The following BDP1 variants were observed in gnomAD, a reference collection of about 807,000 sequenced individuals.
The protein encoded by BDP1 is transcription factor TFIIIB component B'' homolog.
Under a neutral mutation model 266.6 loss-of-function variants are expected in BDP1, and 169 were observed. The ratio of observed to expected loss-of-function variants is 0.63; its 90% CI spans 0.56 to 0.72. BDP1 has a LOEUF of 0.72. Ranked by LOEUF, BDP1 falls within the 30% of genes least tolerant of loss-of-function variation. BDP1 has a pLI of 0.00. For missense variants in BDP1, 3,015 were observed against 3,053.8 expected (o/e 0.99, Z 0.30); for synonymous variants, 1,090 against 1,022.4 (o/e 1.07, Z -1.26).
intron 7 of BDP1, among the ~76,000 whole-genome samples, chr5:71,477,473 C>G (rs1338995026): frequency 6.6e-6 from 1 of 152,146 alleles, no homozygotes; most frequent in African/African-American, 2.4e-5. Flanking sequence ...ATTCACCTTA[C>G]AGTGAACTTA....
chr5:71,525,546 T>C (rs1330696588), intron 25 of BDP1, among the ~76,000 whole-genome samples: 112 of 55,210 alleles, frequency 2.0e-3, no homozygotes, highest in Non-Finnish European at 1.8e-3. Context: ...GGGGCTGACC[T>C]CCCCACCTCC....
Position 71,456,044 on chromosome 5 carries a change from T to C in BDP1, c.167T>C (p.Val56Ala), listed in dbSNP as rs762256341. The C allele has an allele frequency of 1.9e-5, 30 of 1,613,276 alleles. No individual in the cohort carries two copies. The Middle Eastern group carries it at 9.9e-4, about 53-fold the overall frequency. ...GCGGAGCCCACAGATGTGCCCACAG[T>C]CGATTTCGGTGGAGCGGAGCCCCAA... is the stretch of plus-strand genomic sequence containing the variant. ...KPAEPTDVPT[V>A]DFGGAEPQEK... Residue 56 changes from valine to alanine, a missense_variant, in exon 1 of 39, where the codon GTC (valine) becomes GCC (alanine). This residue lies in a region of BDP1 where 2,383 missense variants were observed against 2,404.9 expected (regional missense o/e 0.99). Transcript: ENST00000358731.
rs1174860412 is a variant in BDP1 at position 71,511,080 on chromosome 5, A to G, written c.3988A>G (p.Arg1330Gly). ...ENELEETSTS[R>G]QTDTHLMQSG... ...CGAGCTAGAGGAGACCAGTACCTCA[A>G]GACAAACTGACACACATTTAATGCA... The change falls in exon 17 of 39, where the codon AGA becomes GGA. Residue 1330 changes from arginine (R) to glycine (G), a missense_variant. By Grantham distance (125) the Arg-to-Gly change is moderately radical. Transcript: ENST00000358731. 1.9e-6 allele frequency: 3 copies of G among 1,614,114 alleles called. No homozygotes were observed. Among genetic ancestry groups the G allele is most frequent in the East Asian group, 2.2e-5 (1 of 44,896 alleles).
At chr5:71,485,668 C>A (rs1241731215) in intron 8 of BDP1, among the ~76,000 whole-genome samples, 1 of 152,170 alleles carries the variant, frequency 6.6e-6, no homozygotes, top group Non-Finnish European at 1.5e-5. Flanking sequence ...GGTCTGGATT[C>A]ATTCCTGGAG....
At chr5:71,500,756 T>A (rs1764183467) in intron 13 of BDP1, among the ~76,000 whole-genome samples, 1 of 152,088 alleles carries the variant, frequency 6.6e-6, no homozygotes, top group Admixed American at 6.6e-5. Context: ...TAATTAACAT[T>A]TCAGAAATAT....
At chr5:71,526,687 T>G (rs1245140102) in intron 25 of BDP1, among the ~76,000 whole-genome samples, 3 of 140,088 alleles carry the variant, frequency 2.1e-5, no homozygotes, top group South Asian at 2.2e-4. Context: ...CTCTCTCTGT[T>G]TTTTTTTTTT....
rs188385598 is a variant in BDP1 at position 71,508,156 on chromosome 5, G to C, written c.2373-1309G>C. Among the ~76,000 whole-genome samples the C allele has an allele frequency of 3.1e-3, 469 of 152,170 alleles. 1 individual carries two copies. Among genetic ancestry groups the C allele is most frequent in the Middle Eastern group, 0.01 (3 of 294 alleles). ...ATTTTTGTATTTTGAGTAGAGACAG[G>C]GTTTCATCATGTTGGCCAGGCTGGT... On this transcript the variant is annotated intron_variant, in intron 16 of 38. Coordinates refer to ENST00000358731, the MANE Select transcript of BDP1 (RefSeq NM_018429.3).
chr5:71,507,947 A>G (rs1561723358), intron 16 of BDP1, among the ~76,000 whole-genome samples: 1 of 152,184 alleles, frequency 6.6e-6, no homozygotes, highest in Non-Finnish European at 1.5e-5. Context: ...GAAACAAGCA[A>G]TAGCATACTT....
intron 16 of BDP1, among the ~76,000 whole-genome samples, chr5:71,505,205 C>A (rs1242977726): frequency 2.6e-5 from 4 of 152,022 alleles, no homozygotes; most frequent in African/African-American, 9.7e-5. Flanking sequence ...CAGGGTTTTA[C>A]CATGTTGGCC....
chr5:71,572,541 AGTACTG>A (rs1484456575), downstream of BDP1, among the ~76,000 whole-genome samples: 1 of 152,176 alleles, frequency 6.6e-6, no homozygotes, highest in Non-Finnish European at 1.5e-5. Flanking sequence ...GCTTTAAAGA[AGTACTG>A]GGAATGGGAA....
At chr5:71,541,751 A>G in intron 29 of BDP1, 69 bp downstream of exon 29, 1 of 948,592 alleles carries the variant, frequency 1.1e-6, no homozygotes, top group Non-Finnish European at 1.5e-6. Flanking sequence ...GCTTTGAGTA[A>G]TGCTTTAAAT....
intron 32 of BDP1, among the ~76,000 whole-genome samples, chr5:71,545,940 C>T (rs1742271943): frequency 1.3e-5 from 2 of 151,850 alleles, no homozygotes; most frequent in South Asian, 4.2e-4. Flanking sequence ...GTAGAGGCTG[C>T]AGTGAGCTGT....
At position 71,522,502 on chromosome 5, in the gene BDP1, C is replaced by CAAAAAAA. The variant is rs34331239; in HGVS notation, c.5193+22_5193+28dup. 8.4e-6 allele frequency: 12 copies of CAAAAAAA among 1,434,706 alleles called. No individual in the cohort carries two copies. Among genetic ancestry groups the CAAAAAAA allele is most frequent in the Non-Finnish European group, 1.1e-5 (12 of 1,065,556 alleles). 88.9% of individuals were successfully genotyped at this position (1,434,706 alleles called of 1,614,324 possible). ...AGCTCCTTCTAAAAGTAAGTTTGGG[C>CAAAAAAA]AAAAAAAAAAAAAAAATTTTTTTTC... On this transcript the variant is annotated intron_variant, in intron 23 of 38. Transcript: ENST00000358731.
Position 71,524,338 on chromosome 5 carries a change from TA to T in BDP1, c.5772+19del, listed in dbSNP as rs763934481. 1.9e-6 allele frequency: 3 copies of T among 1,564,888 alleles called. No individual in the cohort carries two copies. The African/African-American group carries it at 4.1e-5, about 21-fold the overall frequency. ...CAATGGAAGAGGTTCGGTTTTTTTT[TA>T]AAACCTTGGTACTTTATCTTACTTG... On this transcript the variant is annotated intron_variant, in intron 25 of 38. Coordinates refer to ENST00000358731, the MANE Select transcript of BDP1 (RefSeq NM_018429.3).
At chr5:71,521,448 A>G (rs554383412) in intron 22 of BDP1, among the ~76,000 whole-genome samples, 16 of 151,808 alleles carry the variant, frequency 1.1e-4, no homozygotes, top group East Asian at 2.0e-4. Flanking sequence ...ATGCACGACC[A>G]TGCCCAGCTA....
chr5:71,504,717 C>T lies in BDP1; in HGVS notation c.2338C>T (p.Pro780Ser). The T allele has an allele frequency of 6.2e-7, 1 of 1,613,450 alleles. No homozygotes were observed. The highest frequency in any genetic ancestry group is 8.5e-7 in the Non-Finnish European group (1 of 1,179,614). ...AAATGATTCTTTTCAAAATGTGCAG[C>T]CAGATGAGCCCAAGGTTCTTAATGA... ...EKNDSFQNVQ[P>S]DEPKVLNECL... Residue 780 changes from proline to serine, a missense_variant, in exon 16 of 39, where the codon CCA becomes TCA. This residue lies in a region of BDP1 where 2,383 missense variants were observed against 2,404.9 expected (regional missense o/e 0.99). Transcript: ENST00000358731.
downstream of BDP1, among the ~76,000 whole-genome samples, chr5:71,568,507 T>C (rs1292670152): frequency 6.6e-6 from 1 of 152,178 alleles, no homozygotes; most frequent in Admixed American, 6.5e-5. Flanking sequence ...TTCGCTTTGT[T>C]GCCCAGGCTG....
In BDP1 at chr5:71,455,784, A is replaced by G; in HGVS notation, c.-94A>G. On this transcript the variant is annotated 5_prime_UTR_variant, in exon 1 of 39. Transcript: ENST00000358731. Reference sequence around the variant, plus strand: ...GAGCTGGTGGTGTGGCTTTGTGGGGAGGGCGTAGTTCCTAATCCCCTTTCC... The same window carrying G: ...GAGCTGGTGGTGTGGCTTTGTGGGGGGGGCGTAGTTCCTAATCCCCTTTCC... 1 of 1,040,114 alleles carries G rather than the reference A, an allele frequency of 9.6e-7. No individual in the cohort carries two copies. The highest frequency in any genetic ancestry group is 1.4e-6 in the Non-Finnish European group (1 of 719,992). 64.4% of individuals were successfully genotyped at this position (1,040,114 alleles called of 1,614,324 possible). A position where few individuals can be genotyped will look rare whatever the true frequency, so the allele number is the denominator to read the frequency against.
chr5:71,461,952 C>CTA, intron 3 of BDP1, 26 bp downstream of exon 3: 10 of 713,864 alleles, frequency 1.4e-5, no homozygotes, highest in Non-Finnish European at 2.2e-5. Context: ...TTCTGCTTTA[C>CTA]TATCTCTTTT....
Sources: gnomAD v4.1 joint callset for allele counts (sites outside exome capture counted in the v4.1 genomes callset) on GRCh38, gnomAD v4.1.1 for gene constraint, gnomAD v4.1.1 regional missense constraint, MANE v1.5 for transcripts, NCBI Gene and HGNC (gene_info 2026-07-23, HGNC 2026-07-21) for gene names.